Variants in SHISA9 observed in about 807,000 individuals in gnomAD.
The protein encoded by SHISA9 is protein shisa-9.
In SHISA9, 13 loss-of-function variants were observed where a neutral mutation model predicts 38.0. That is an observed-to-expected ratio of 0.34 (90% confidence interval 0.22 to 0.54). SHISA9 has a LOEUF of 0.54. SHISA9 is among the 20% of genes least tolerant of loss of function. The probability of loss-of-function intolerance (pLI) is 0.91; values close to 1 mark genes in which losing one functional copy is unlikely to be tolerated. For synonymous variants in SHISA9, 275 were observed against 242.0 expected (o/e 1.14, Z -1.27); for missense variants, 538 against 575.8 (o/e 0.93, Z 0.67).
chr16:13,295,713 T>C, the SHISA9 span, among the ~76,000 whole-genome samples: 467 of 152,198 alleles, frequency 3.1e-3, 1 homozygote, highest in African/African-American at 0.011. Flanking sequence ...TGTGGAAAAT[T>C]TGAGGATTGG....
the SHISA9 span, among the ~76,000 whole-genome samples, chr16:13,305,542 G>A: frequency 1.3e-3 from 193 of 152,294 alleles, no homozygotes; most frequent in African/African-American, 4.0e-3. Context: ...TTGCTCTGCT[G>A]GAATCCAGTT....
chr16:13,425,348 A>C, the SHISA9 span, among the ~76,000 whole-genome samples: 1 of 152,194 alleles, frequency 6.6e-6, no homozygotes, highest in Non-Finnish European at 1.5e-5. Flanking sequence ...TTATCCAGGC[A>C]TGGTGGCACG....
chr16:13,308,698 C>G, the SHISA9 span, among the ~76,000 whole-genome samples: 1 of 152,144 alleles, frequency 6.6e-6, no homozygotes, highest in African/African-American at 2.4e-5. Flanking sequence ...TAACTTACAG[C>G]TGTGAATTTA....
At chr16:13,275,732 A>T in the SHISA9 span, among the ~76,000 whole-genome samples, 1 of 151,910 alleles carries the variant, frequency 6.6e-6, no homozygotes, top group Non-Finnish European at 1.5e-5. Flanking sequence ...TTTGTGAAAA[A>T]ATTTTTAATA....
Position 13,239,114 on chromosome 16 carries a change from A to G in SHISA9, c.*3705A>G, listed in dbSNP as rs1337874222. On this transcript the variant is annotated 3_prime_UTR_variant, in exon 5 of 5. Transcript: ENST00000558583. The stretch of plus-strand genomic sequence containing the variant: ...GGTTTTTTTGTCCTTGCGATAGTTT[A>G]CTGAGAATGATGATTTCCAATTTCA... The G allele has an allele frequency of 2.7e-5, 4 of 150,384 alleles. No individual in the cohort carries two copies. The highest frequency in any genetic ancestry group is 6.6e-5 in the Admixed American group (1 of 15,042). 9.3% of individuals were successfully genotyped at this position (150,384 alleles called of 1,614,324 possible).
chr16:13,464,001 A>G, the SHISA9 span, among the ~76,000 whole-genome samples: 1 of 152,382 alleles, frequency 6.6e-6, no homozygotes, highest in Admixed American at 6.5e-5. Flanking sequence ...AGAAAGATCC[A>G]GGTTCTCTCA....
the SHISA9 span, among the ~76,000 whole-genome samples, chr16:13,556,998 C>T: frequency 5.9e-5 from 9 of 152,268 alleles, 2 homozygotes; most frequent in African/African-American, 2.2e-4. Context: ...AATCAATCCC[C>T]TCCAGTACTG....
the SHISA9 span, among the ~76,000 whole-genome samples, chr16:13,454,129 A>C: frequency 6.6e-6 from 1 of 152,202 alleles, no homozygotes; most frequent in Non-Finnish European, 1.5e-5. Context: ...AGGAGATGAG[A>C]GGGAAAGGGC....
chr16:12,950,598 C>G (rs2071741569), intron 2 of SHISA9, among the ~76,000 whole-genome samples: 1 of 151,948 alleles, frequency 6.6e-6, no homozygotes, highest in African/African-American at 2.4e-5. Flanking sequence ...AATAGATCTA[C>G]CATATGACCT....
the SHISA9 span, among the ~76,000 whole-genome samples, chr16:13,523,835 A>C: frequency 1.3e-5 from 2 of 152,246 alleles, no homozygotes; most frequent in Admixed American, 6.5e-5. Context: ...AACCATATCA[A>C]ATAGTAATTA....
At chr16:13,278,723 C>A in the SHISA9 span, among the ~76,000 whole-genome samples, 1 of 151,948 alleles carries the variant, frequency 6.6e-6, no homozygotes, top group African/African-American at 2.4e-5. Context: ...ATAGTAGCTG[C>A]AAATGATCTT....
the SHISA9 span, among the ~76,000 whole-genome samples, chr16:13,355,887 A>G: frequency 6.6e-6 from 1 of 152,300 alleles, no homozygotes; most frequent in African/African-American, 2.4e-5. Flanking sequence ...CTTGGGCCAG[A>G]GTTCCAGGGG....
chr16:13,560,063 A>G, the SHISA9 span, among the ~76,000 whole-genome samples: 1 of 152,256 alleles, frequency 6.6e-6, no homozygotes, highest in East Asian at 1.9e-4. Flanking sequence ...CTTGGGCAAC[A>G]GAGAAGTCCA....
chr16:13,061,775 G>A (rs1027220361), intron 2 of SHISA9, among the ~76,000 whole-genome samples: 2 of 152,116 alleles, frequency 1.3e-5, no homozygotes, highest in African/African-American at 2.4e-5. Flanking sequence ...CAAACAAAAG[G>A]CCAACAGAAT....
rs189225678 is a variant in SHISA9, at chr16:13,080,360, G to A, written c.692-123034G>A. On this transcript the variant is annotated intron_variant, in intron 2 of 4. Transcript: ENST00000558583. ...TGCACTTCAGCCTGGGCGATAGAGT[G>A]AGACTCCGTCTCAAAAAAATAAATA... Among the ~76,000 whole-genome samples the A allele has an allele frequency of 5.3e-3, 809 of 152,258 alleles. 6 individuals are homozygous for A. The highest frequency in any genetic ancestry group is 4.7e-3 in the Non-Finnish European group (321 of 68,022).
intron 2 of SHISA9, among the ~76,000 whole-genome samples, chr16:13,184,055 G>A (rs867074883): frequency 6.6e-6 from 1 of 152,006 alleles, no homozygotes; most frequent in Non-Finnish European, 1.5e-5. Flanking sequence ...CTGGGTGGGG[G>A]CAGTTTTTCC....
the SHISA9 span, among the ~76,000 whole-genome samples, chr16:13,420,922 C>G: frequency 2.0e-5 from 3 of 152,220 alleles, no homozygotes; most frequent in African/African-American, 7.2e-5. Context: ...GGTATTACAG[C>G]TGCTCCCAGC....
chr16:13,469,422 AAAAAGAAAGAAAG>A, the SHISA9 span, among the ~76,000 whole-genome samples: 20 of 102,178 alleles, frequency 2.0e-4, no homozygotes, highest in African/African-American at 7.0e-4. Context: ...AGAAAGAAAG[AAAAAGAAAGAAAG>A]AGAAAGAAAG....
the SHISA9 span, among the ~76,000 whole-genome samples, chr16:13,312,563 C>T: frequency 1.4e-3 from 209 of 152,314 alleles, no homozygotes; most frequent in Non-Finnish European, 2.2e-3. Context: ...AAGCACCCTT[C>T]TGGCCACTAC....
Sources: gnomAD v4.1 joint callset for allele counts (sites outside exome capture counted in the v4.1 genomes callset) on GRCh38, gnomAD v4.1.1 for gene constraint, MANE v1.5 for transcripts, NCBI Gene and HGNC (gene_info 2026-07-23, HGNC 2026-07-21) for gene names.